SYNPO2: variants seen among roughly 807,000 people sequenced by gnomAD.
The protein encoded by SYNPO2 is synaptopodin-2.
A neutral mutation model predicts 85.0 loss-of-function variants in SYNPO2; 56 were observed. That is an observed-to-expected ratio of 0.66 (90% CI 0.53 to 0.82). SYNPO2 has a LOEUF of 0.82. SYNPO2 is among the 40% of genes least tolerant of loss of function. The pLI is 0.00. For synonymous variants in SYNPO2, 602 were observed against 591.1 expected (o/e 1.02, Z -0.27); for missense variants, 1,575 against 1,534.2 (o/e 1.03, Z -0.44).
intron 4 of SYNPO2, among the ~76,000 whole-genome samples, chr4:119,055,914 G>T (rs1578681233): frequency 6.6e-6 from 1 of 151,818 alleles, no homozygotes; most frequent in African/African-American, 2.4e-5. Flanking sequence ...AAAAAAAAAC[G>T]AAACATTTGA....
chr4:119,032,104 T>A, intron 4 of SYNPO2, 77 bp downstream of exon 4: 17 of 1,557,814 alleles, frequency 1.1e-5, no homozygotes, highest in Non-Finnish European at 1.4e-5. Context: ...ATGAATTGTT[T>A]GCAGTGTTTC....
chr4:118,938,310 A>G (rs1274823398), intron 1 of SYNPO2, among the ~76,000 whole-genome samples: 3 of 152,190 alleles, frequency 2.0e-5, no homozygotes, highest in Non-Finnish European at 2.9e-5. Flanking sequence ...ACGGAGCAAG[A>G]TTCCATCTCA....
chr4:118,975,267 C>T (rs1309518047), intron 1 of SYNPO2, among the ~76,000 whole-genome samples: 6 of 152,166 alleles, frequency 3.9e-5, no homozygotes, highest in Non-Finnish European at 4.4e-5. Context: ...TGACAGATCC[C>T]AAAATCTATG....
intron 4 of SYNPO2, among the ~76,000 whole-genome samples, chr4:119,048,532 C>G (rs1021245354): frequency 5.9e-5 from 9 of 152,136 alleles, no homozygotes; most frequent in East Asian, 1.9e-4. Context: ...GAGTGTAAGT[C>G]TAAGGGAAGG....
At chr4:118,954,838 A>C (rs1734816622) in intron 1 of SYNPO2, among the ~76,000 whole-genome samples, 1 of 152,110 alleles carries the variant, frequency 6.6e-6, no homozygotes, top group Non-Finnish European at 1.5e-5. Flanking sequence ...ACACAGATTA[A>C]CTCATTTAAT....
chr4:119,038,534 T>G (rs1738607539), intron 4 of SYNPO2: 1 of 985,352 alleles, frequency 1.0e-6, no homozygotes, highest in African/African-American at 1.7e-5. Context: ...GTGCTCCCTT[T>G]GGCTTTCTGC....
At chr4:118,917,764 A>G (rs1733399875) in intron 1 of SYNPO2, among the ~76,000 whole-genome samples, 1 of 152,230 alleles carries the variant, frequency 6.6e-6, no homozygotes. Context: ...ATCATCATTT[A>G]TGCTTTTGAA....
intron 1 of SYNPO2, among the ~76,000 whole-genome samples, chr4:118,867,170 T>A (rs990969252): frequency 2.0e-5 from 3 of 152,162 alleles, no homozygotes; most frequent in African/African-American, 4.8e-5. Flanking sequence ...ATATGACCCC[T>A]GGGCCATAGT....
At chr4:118,868,919 T>C (rs1731750390) in intron 1 of SYNPO2, among the ~76,000 whole-genome samples, 1 of 152,214 alleles carries the variant, frequency 6.6e-6, no homozygotes, top group South Asian at 2.1e-4. Context: ...CTTAAGAGTC[T>C]GGCTTGCTTT....
chr4:119,015,736 G>A (rs777387848), intron 1 of SYNPO2, among the ~76,000 whole-genome samples: 2 of 152,164 alleles, frequency 1.3e-5, no homozygotes, highest in East Asian at 1.9e-4. Flanking sequence ...CATTTTAAAT[G>A]TCTTGGGATC....
intron 1 of SYNPO2, among the ~76,000 whole-genome samples, chr4:118,852,885 T>C (rs767002678): frequency 4.6e-5 from 7 of 152,160 alleles, no homozygotes; most frequent in Non-Finnish European, 8.8e-5. Flanking sequence ...TTTAAAAACA[T>C]TGATTTTCTG....
chr4:118,967,353 C>G (rs1037908030), intron 1 of SYNPO2, among the ~76,000 whole-genome samples: 6 of 152,228 alleles, frequency 3.9e-5, no homozygotes, highest in Admixed American at 2.0e-4. Flanking sequence ...TTAGCTCTGA[C>G]ATTCCCTGAG....
chr4:118,978,812 C>T, intron 1 of SYNPO2, among the ~76,000 whole-genome samples: 1 of 151,954 alleles, frequency 6.6e-6, no homozygotes, highest in South Asian at 2.1e-4. Context: ...CACACACACA[C>T]ACACACACAC....
At chr4:118,959,262 G>C (rs373889544) in intron 1 of SYNPO2, among the ~76,000 whole-genome samples, 2 of 152,142 alleles carry the variant, frequency 1.3e-5, no homozygotes, top group East Asian at 3.8e-4. Context: ...GACCAATCAC[G>C]GAGGTTTGGA....
At chr4:118,968,107 C>T (rs182584727) in intron 1 of SYNPO2, among the ~76,000 whole-genome samples, 5 of 152,272 alleles carry the variant, frequency 3.3e-5, no homozygotes, top group African/African-American at 1.2e-4. Context: ...GGGATTTCAG[C>T]CTGGCCCTTG....
At chr4:118,950,459 A>G (rs1394734285) in intron 1 of SYNPO2, among the ~76,000 whole-genome samples, 1 of 152,220 alleles carries the variant, frequency 6.6e-6, no homozygotes, top group East Asian at 1.9e-4. Flanking sequence ...TGTGGTTTCT[A>G]CAGGAAGGAA....
At chr4:118,886,630 A>G (rs112417699), upstream of SYNPO2, among the ~76,000 whole-genome samples, 1,319 of 152,328 alleles carry the variant, frequency 8.7e-3, 4 homozygotes, top group Non-Finnish European at 0.014. Flanking sequence ...TATATGTGCC[A>G]TATTTTCTTT....
At chr4:119,034,632 G>T in intron 4 of SYNPO2, 1 of 985,196 alleles carries the variant, frequency 1.0e-6, no homozygotes, top group East Asian at 1.1e-4. Flanking sequence ...TATAGAAGAG[G>T]GTGGAAGTTC....
intron 1 of SYNPO2, among the ~76,000 whole-genome samples, chr4:118,915,141 C>T (rs571937810): frequency 1.3e-4 from 20 of 151,816 alleles, no homozygotes; most frequent in Non-Finnish European, 2.4e-4. Flanking sequence ...AACAGGAATA[C>T]GAGAGCTGAA....
Sources: allele counts gnomAD v4.1 joint callset (sites outside exome capture counted in the v4.1 genomes callset), GRCh38; gene constraint gnomAD v4.1.1; transcripts MANE v1.5; gene names NCBI Gene and HGNC (gene_info 2026-07-23, HGNC 2026-07-21).